The following THSD7B variants were observed in gnomAD, a reference collection of about 807,000 sequenced individuals.
The protein encoded by THSD7B is thrombospondin type 1 domain containing 7B, also known as thrombospondin type-1 domain-containing protein 7B.
Under a neutral mutation model 213.6 loss-of-function variants are expected in THSD7B, and 138 were observed. The observed-to-expected ratio is 0.65, with a 90% CI of 0.56 to 0.74. The LOEUF (loss-of-function observed/expected upper bound fraction) is 0.74, where lower values mean the gene tolerates loss of function less well. THSD7B is among the 30% of genes least tolerant of loss of function. The pLI is 0.00. For missense variants in THSD7B, 1,931 were observed against 1,991.5 expected (o/e 0.97, Z 0.58); for synonymous variants, 742 against 687.0 (o/e 1.08, Z -1.25).
intron 1 of THSD7B, among the ~76,000 whole-genome samples, chr2:136,851,365 G>A (rs1683097234): frequency 6.6e-6 from 1 of 151,942 alleles, no homozygotes; most frequent in South Asian, 2.1e-4. Flanking sequence ...TCTCTTAACA[G>A]CAGCACCTTG....
intron 3 of THSD7B, among the ~76,000 whole-genome samples, chr2:137,083,310 C>T (rs905878630): frequency 1.3e-5 from 2 of 152,114 alleles, no homozygotes; most frequent in Admixed American, 6.6e-5. Flanking sequence ...CTCAAATACT[C>T]TTCCAGCTAA....
intron 12 of THSD7B, among the ~76,000 whole-genome samples, chr2:137,310,274 A>G (rs1343335582): frequency 6.6e-6 from 1 of 151,248 alleles, no homozygotes; most frequent in Non-Finnish European, 1.5e-5. Flanking sequence ...GCATTTTTTC[A>G]TGTGTTTTTT....
chr2:137,505,030 T>G (rs1679803305), intron 15 of THSD7B, among the ~76,000 whole-genome samples: 2 of 147,436 alleles, frequency 1.4e-5, no homozygotes, highest in Non-Finnish European at 3.0e-5. Context: ...GGGAGAGAGG[T>G]AGGGAGAAAA....
intron 14 of THSD7B, among the ~76,000 whole-genome samples, chr2:137,415,785 G>T (rs1205307733): frequency 6.9e-6 from 1 of 144,656 alleles, no homozygotes; most frequent in Non-Finnish European, 1.5e-5. Flanking sequence ...TCAGGTCTCT[G>T]CTGAATATCC....
chr2:137,103,182 G>A (rs1362559796), intron 4 of THSD7B, among the ~76,000 whole-genome samples: 1 of 152,118 alleles, frequency 6.6e-6, no homozygotes. Context: ...GACGGAGAGT[G>A]GATCTTTCTT....
At chr2:137,287,446 G>C (rs1475310727) in intron 12 of THSD7B, among the ~76,000 whole-genome samples, 1 of 152,100 alleles carries the variant, frequency 6.6e-6, no homozygotes, top group Non-Finnish European at 1.5e-5. Flanking sequence ...TAATGATTCT[G>C]TGAGGTATTT....
intron 15 of THSD7B, among the ~76,000 whole-genome samples, chr2:137,456,853 GTAA>G (rs1383458430): frequency 6.6e-6 from 1 of 152,170 alleles, no homozygotes; most frequent in Non-Finnish European, 1.5e-5. Context: ...TCTCTGCATA[GTAA>G]TAATCCCAAA....
chr2:137,645,155 T>A (rs545909140), intron 21 of THSD7B, among the ~76,000 whole-genome samples: 2 of 152,300 alleles, frequency 1.3e-5, no homozygotes, highest in South Asian at 4.1e-4. Flanking sequence ...GTAGTACCTA[T>A]TTCGCTGGTT....
chr2:136,938,542 T>A (rs1684769473), intron 2 of THSD7B, among the ~76,000 whole-genome samples: 1 of 152,168 alleles, frequency 6.6e-6, no homozygotes, highest in Non-Finnish European at 1.5e-5. Context: ...TTTGCCTGGC[T>A]TTTTTTCAGA....
At chr2:137,034,878 T>C (rs1422651795) in intron 2 of THSD7B, among the ~76,000 whole-genome samples, 3 of 152,204 alleles carry the variant, frequency 2.0e-5, no homozygotes, top group Admixed American at 2.0e-4. Flanking sequence ...TTTGCTATTG[T>C]AAATAGTGCT....
At chr2:137,473,410 G>C (rs112657821) in intron 15 of THSD7B, among the ~76,000 whole-genome samples, 1 of 151,786 alleles carries the variant, frequency 6.6e-6, no homozygotes, top group Admixed American at 6.6e-5. Flanking sequence ...GCATTTCACC[G>C]TGTTAGCCAG....
At chr2:137,447,936 G>C (rs1024759204) in intron 14 of THSD7B, among the ~76,000 whole-genome samples, 8 of 152,124 alleles carry the variant, frequency 5.3e-5, no homozygotes, top group Admixed American at 1.3e-4. Context: ...AATATGAAGA[G>C]AGAAGAAAAA....
intron 12 of THSD7B, among the ~76,000 whole-genome samples, chr2:137,315,034 C>T (rs1451081706): frequency 6.6e-6 from 1 of 152,350 alleles, no homozygotes; most frequent in Admixed American, 6.5e-5. Flanking sequence ...TTGGGCTCCA[C>T]CCAGTTCGAG....
chr2:137,094,190 A>T (rs1169447662), intron 3 of THSD7B, among the ~76,000 whole-genome samples: 1 of 152,220 alleles, frequency 6.6e-6, no homozygotes, highest in Admixed American at 6.5e-5. Flanking sequence ...GCTTGTTGTG[A>T]GAAAGTTATC....
chr2:137,127,650 C>G lies in THSD7B; in HGVS notation c.1369+12357C>G, dbSNP rs116174862. The stretch of plus-strand genomic sequence containing the variant: ...AGGTATATTAAACACTAGTTTATGG[C>G]TCAGGCCTGTAATCTCAGCACTTTG... On this transcript the variant is annotated intron_variant, in intron 5 of 27. Coordinates refer to ENST00000409968, the MANE Select transcript of THSD7B (RefSeq NM_001316349.2). Among the ~76,000 whole-genome samples, 197 of 151,846 alleles carry G rather than the reference C, an allele frequency of 1.3e-3. 1 individual carries two copies. Among genetic ancestry groups the G allele is most frequent in the African/African-American group, 4.7e-3 (192 of 41,184 alleles).
At chr2:137,138,506 T>G (rs1426372301) in intron 5 of THSD7B, among the ~76,000 whole-genome samples, 8 of 152,210 alleles carry the variant, frequency 5.3e-5, no homozygotes, top group Non-Finnish European at 1.2e-4. Flanking sequence ...ATATTCTGTG[T>G]GCTCATTGTA....
At chr2:136,974,937 T>A (rs1341702671) in intron 2 of THSD7B, among the ~76,000 whole-genome samples, 2 of 152,218 alleles carry the variant, frequency 1.3e-5, no homozygotes, top group African/African-American at 4.8e-5. Flanking sequence ...GATTTACATT[T>A]CTCTAAGGTC....
Position 137,155,497 on chromosome 2 carries a change from C to T in THSD7B, c.1370-4716C>T, listed in dbSNP as rs540220076. On this transcript the variant is annotated intron_variant, in intron 5 of 27. Transcript: ENST00000409968. ...AAGCAGCAGTTCTTACTACAAACAT[C>T]GTGGCTGGAGTTTGGCCAAAGAGAA... Among the ~76,000 whole-genome samples the T allele has an allele frequency of 3.5e-4, 53 of 152,276 alleles. No individual in the cohort carries two copies. In the South Asian group the frequency reaches 6.0e-3, roughly 17 times the overall value.
intron 1 of THSD7B, among the ~76,000 whole-genome samples, chr2:136,805,061 A>T (rs2059731): frequency 0.22 from 32,907 of 152,060 alleles, 4,138 homozygotes; most frequent in East Asian, 0.41. Flanking sequence ...TCAAAGACCC[A>T]GGGCATAGCT....
Sources: allele counts gnomAD v4.1 joint callset (sites outside exome capture counted in the v4.1 genomes callset), GRCh38; gene constraint gnomAD v4.1.1; transcripts MANE v1.5; gene names NCBI Gene and HGNC (gene_info 2026-07-23, HGNC 2026-07-21).